The following LAMP1 variants were observed in gnomAD, a reference collection of about 807,000 sequenced individuals.
LAMP1 encodes the protein lysosome-associated membrane glycoprotein 1.
In LAMP1, 7 loss-of-function variants were observed where a neutral mutation model predicts 37.5. The ratio of observed to expected loss-of-function variants is 0.19; its 90% CI spans 0.11 to 0.35. The LOEUF is 0.35. LAMP1 is among the 10% of genes least tolerant of loss of function. The probability of loss-of-function intolerance (pLI) is 1.00; values close to 1 mark genes in which losing one functional copy is unlikely to be tolerated. For synonymous variants in LAMP1, 236 were observed against 229.1 expected, an observed-to-expected ratio of 1.03 and a Z score of -0.27; for missense variants, 537 against 552.8, an observed-to-expected ratio of 0.97 and a Z score of 0.29.
At chr13:113,314,349 C>G (rs1271811265) in intron 4 of LAMP1, among the ~76,000 whole-genome samples, 2 of 126,012 alleles carry the variant, frequency 1.6e-5, no homozygotes, top group South Asian at 5.0e-4. Flanking sequence ...TGCCCGTGTG[C>G]CTGGGGCGGG....
rs1490284513 is a variant in LAMP1 at position 113,322,862 on chromosome 13, GTC to G, written c.*445_*446del. The stretch of plus-strand genomic sequence containing the variant: ...TCTCTCCGAGGGGTGGAATGCCGCT[GTC>G]TCTGAGGGGTGGGGGTGCCGCTCTA... On this transcript the variant is annotated 3_prime_UTR_variant, in exon 9 of 9. Transcript: ENST00000332556. The G allele has an allele frequency of 7.3e-6, 1 of 136,906 alleles. No homozygotes were observed. The allele number at this position is 136,906 out of a possible 1,614,324, so 8.5% of individuals were successfully genotyped here.
In LAMP1 at chr13:113,302,094, C is replaced by T. The variant is rs1201677365; in HGVS notation, c.62-4391C>T. On this transcript the variant is annotated intron_variant, in intron 1 of 8. Coordinates refer to ENST00000332556, the MANE Select transcript of LAMP1 (RefSeq NM_005561.4). ...GTCAGGCTGGTCTCAAACGCCTAACCTCAGGTGATCTGCCCACCTCGGCCT... is the reference window on the plus strand; with the variant it reads ...GTCAGGCTGGTCTCAAACGCCTAACTTCAGGTGATCTGCCCACCTCGGCCT... 2.6e-5 allele frequency among the ~76,000 whole-genome samples: 4 copies of T among 151,732 alleles called. No individual in the cohort carries two copies. The East Asian group carries it at 7.8e-4, about 29-fold the overall frequency.
chr13:113,319,440 A>C (rs1595463936), intron 4 of LAMP1, 29 bp from the exon 5 acceptor site: 1 of 1,568,340 alleles, frequency 6.4e-7, no homozygotes, highest in African/African-American at 1.4e-5. Context: ...AGAAACCCAG[A>C]CCTGAATCTC....
intron 1 of LAMP1, among the ~76,000 whole-genome samples, chr13:113,299,144 C>CA (rs540813039): frequency 3.7e-4 from 53 of 144,988 alleles, no homozygotes; most frequent in Middle Eastern, 3.6e-3. Context: ...CGTCTCAAAA[C>CA]AAAAAAAAAA....
In LAMP1 at chr13:113,323,154, T is replaced by G. The variant is rs1595466440; in HGVS notation, c.*733T>G. The stretch of plus-strand genomic sequence containing the variant: ...GACGGGCCACACGTGGCTGGCGGCC[T>G]CGTTCCAGTGGCGGCACGTCCTTGG... On this transcript the variant is annotated 3_prime_UTR_variant, in exon 9 of 9. Coordinates refer to ENST00000332556, the MANE Select transcript of LAMP1 (RefSeq NM_005561.4). 1 of 152,224 alleles carries G rather than the reference T, an allele frequency of 6.6e-6. No individual in the cohort carries two copies. The allele number at this position is 152,224 out of a possible 1,614,324, so 9.4% of individuals were successfully genotyped here.
chr13:113,304,192 G>A (rs1187502422), intron 1 of LAMP1, among the ~76,000 whole-genome samples: 2 of 152,232 alleles, frequency 1.3e-5, no homozygotes, highest in Non-Finnish European at 2.9e-5. Flanking sequence ...AAAAGTGTTT[G>A]AGGAAACTTA....
chr13:113,297,420 C>T lies in LAMP1; in HGVS notation c.-15C>T, dbSNP rs2085402547. On this transcript the variant is annotated 5_prime_UTR_variant, in exon 1 of 9. Coordinates refer to ENST00000332556, the MANE Select transcript of LAMP1 (RefSeq NM_005561.4). This position sits in a 1 kb window ranked among gnomAD's most constrained non-coding sequence, Gnocchi z 4.4. ...GCGCCCCCGCTCCCCGCACCGTACC[C>T]GGCCGCCTCGCGCCATGGCGGCCCC... is the stretch of plus-strand genomic sequence containing the variant. The T allele has an allele frequency of 8.1e-6, 7 of 862,486 alleles. No individual in the cohort carries two copies. The highest frequency in any genetic ancestry group is 9.3e-6 in the Non-Finnish European group (6 of 648,098). 53.4% of individuals were successfully genotyped at this position (862,486 alleles called of 1,614,324 possible).
At chr13:113,319,705 G>T in intron 5 of LAMP1, 49 bp downstream of exon 5, 1 of 1,555,714 alleles carries the variant, frequency 6.4e-7, no homozygotes, top group Non-Finnish European at 8.8e-7. Context: ...GGTAGGGCTG[G>T]AGCCTCTGCT....
rs959928640 is a variant in LAMP1 at position 113,323,656 on chromosome 13, A to T, written c.*1235A>T. On this transcript the variant is annotated 3_prime_UTR_variant, in exon 9 of 9. Coordinates refer to ENST00000332556, the MANE Select transcript of LAMP1 (RefSeq NM_005561.4). Reference sequence around the variant, plus strand: ...TGATAATTTTTAAATCATTAAAAAAATTACCTTTCATACAGATACCATGGA... The same window carrying T: ...TGATAATTTTTAAATCATTAAAAAATTTACCTTTCATACAGATACCATGGA... 6.6e-6 allele frequency: 1 copy of T among 152,124 alleles called. No homozygotes were observed. Among genetic ancestry groups the T allele is most frequent in the East Asian group, 1.9e-4 (1 of 5,184 alleles). 9.4% of individuals were successfully genotyped at this position (152,124 alleles called of 1,614,324 possible).
intron 2 of LAMP1, among the ~76,000 whole-genome samples, chr13:113,308,666 G>A (rs922039937): frequency 6.6e-6 from 1 of 152,070 alleles, no homozygotes; most frequent in African/African-American, 2.4e-5. Context: ...CTTTTTTAAT[G>A]TTTGGTTTTG....
At chr13:113,299,997 A>G (rs765635912) in intron 1 of LAMP1, among the ~76,000 whole-genome samples, 2 of 152,210 alleles carry the variant, frequency 1.3e-5, no homozygotes, top group African/African-American at 2.4e-5. Flanking sequence ...AATTTCCACT[A>G]TATTAATAAT....
intron 4 of LAMP1, among the ~76,000 whole-genome samples, chr13:113,316,381 T>C (rs1265595277): frequency 2.0e-5 from 3 of 151,228 alleles, no homozygotes. Flanking sequence ...GAGTTGAAAA[T>C]GAAGGTCACC....
At position 113,321,389 on chromosome 13, in the gene LAMP1, A is replaced by G; in HGVS notation, c.877-15A>G. The G allele has an allele frequency of 6.2e-7, 1 of 1,603,080 alleles. No individual in the cohort carries two copies. The highest frequency in any genetic ancestry group is 8.5e-7 in the Non-Finnish European group (1 of 1,170,038). On this transcript the variant is annotated splice_polypyrimidine_tract_variant and intron_variant, in intron 6 of 8. Transcript: ENST00000332556. The surrounding 1 kb of genome is among the most constrained non-coding windows in gnomAD (Gnocchi z 5.6). The stretch of plus-strand genomic sequence containing the variant: ...TGAATCTGCTCCGTGATTAAAGATC[A>G]TTTTTCTTTTTAAGAATGCAAGTTC...
At chr13:113,315,970 G>A (rs2042661510) in intron 4 of LAMP1, among the ~76,000 whole-genome samples, 1 of 152,074 alleles carries the variant, frequency 6.6e-6, no homozygotes, top group Non-Finnish European at 1.5e-5. Context: ...GGGCGTGGTG[G>A]CAGGTGCCTG....
intron 2 of LAMP1, among the ~76,000 whole-genome samples, chr13:113,307,118 T>C (rs754646255): frequency 3.4e-5 from 5 of 147,658 alleles, no homozygotes; most frequent in Non-Finnish European, 7.5e-5. Flanking sequence ...GGATTACAGG[T>C]GTGAGCCACC....
Position 113,320,538 on chromosome 13 carries a change from G to A in LAMP1, c.876+68G>A. The A allele has an allele frequency of 2.6e-6, 4 of 1,556,324 alleles. No homozygotes were observed. The South Asian group carries it at 3.3e-5, about 13-fold the overall frequency. ...TCCACCACATCTTTTTGTGCCCTGG[G>A]TCTGCTCATGGGAGGCAGCGTTAGG... On this transcript the variant is annotated intron_variant, in intron 6 of 8. Coordinates refer to ENST00000332556, the MANE Select transcript of LAMP1 (RefSeq NM_005561.4). This position sits in a 1 kb window ranked among gnomAD's most constrained non-coding sequence, Gnocchi z 4.4.
chr13:113,321,410 A>C lies in LAMP1; in HGVS notation c.883A>C (p.Ser295Arg), dbSNP rs753635721. Residue 295 changes from serine (S) to arginine (R), a missense_variant, in exon 7 of 9, where the codon AGT becomes CGT. Transcript: ENST00000332556. The surrounding 1 kb of genome is among the most constrained non-coding windows in gnomAD (Gnocchi z 5.6). Reference sequence around the variant, plus strand: ...GATCATTTTTCTTTTTAAGAATGCAAGTTCTAGCCGGTTTTTCCTACAAGG... The same window carrying C: ...GATCATTTTTCTTTTTAAGAATGCACGTTCTAGCCGGTTTTTCCTACAAGG... ...VLLFQFGMNA[S>R]SSRFFLQGIQ... 12 of 1,613,526 alleles carry C rather than the reference A, an allele frequency of 7.4e-6. No homozygotes were observed. Among genetic ancestry groups the C allele is most frequent in the African/African-American group, 1.3e-5 (1 of 75,016 alleles).
chr13:113,319,677 G>T (rs200017606), intron 5 of LAMP1, 21 bp downstream of exon 5: 1 of 1,600,930 alleles, frequency 6.2e-7, no homozygotes, highest in Non-Finnish European at 8.5e-7. Context: ...GGCCTCACCT[G>T]GGAGAGGGGG....
intron 4 of LAMP1, among the ~76,000 whole-genome samples, chr13:113,313,421 G>T (rs1050886370): frequency 5.3e-5 from 8 of 152,232 alleles, no homozygotes; most frequent in Non-Finnish European, 7.3e-5. Flanking sequence ...CTGGACGTTG[G>T]TTCCTTTTTT....
Sources: gnomAD v4.1 joint callset for allele counts (sites outside exome capture counted in the v4.1 genomes callset) on GRCh38, gnomAD v4.1.1 for gene constraint, Gnocchi (gnomAD v3.1) non-coding constraint, MANE v1.5 for transcripts, NCBI Gene and HGNC (gene_info 2026-07-23, HGNC 2026-07-21) for gene names.